The following MTF2 variants were observed in gnomAD, a reference collection of about 807,000 sequenced individuals.
MTF2 encodes metal response element binding transcription factor 2.
In MTF2, 11 loss-of-function variants were observed where a neutral mutation model predicts 79.5. That is an observed-to-expected ratio of 0.14 (90% CI 0.09 to 0.23). The LOEUF (loss-of-function observed/expected upper bound fraction) is 0.23. Among genes scored for constraint, MTF2 ranks in the 10% least tolerant of loss-of-function variants. The probability of loss-of-function intolerance (pLI) is 1.00; values close to 1 mark genes in which losing one functional copy is unlikely to be tolerated. For missense variants in MTF2, 486 were observed against 711.2 expected (o/e 0.68, Z 3.60); for synonymous variants, 208 against 232.8 (o/e 0.89, Z 0.97).
Position 93,110,262 on chromosome 1 carries a change from A to G in MTF2, c.38A>G (p.His13Arg), listed in dbSNP as rs1183850511. ...ACAGGGGCAGGTAATTCACTGGTCC[A>G]CAAGCGGTCTCCTTTACGTCGAAAC... ...DSTGAGNSLV[H>R]KRSPLRRNQK... The change falls in exon 2 of 15, where the codon CAC becomes CGC. Residue 13 changes from histidine to arginine, a missense_variant. Physicochemically the swap from His to Arg is conservative, Grantham distance 29 (BLOSUM62 0). Around this residue, in one of 4 missense-constraint regions of MTF2, gnomAD observed 75 missense variants for 83.8 expected, o/e 0.89. Transcript: ENST00000370298. 1 of 1,614,148 alleles carries G rather than the reference A, an allele frequency of 6.2e-7. No individual in the cohort carries two copies. Among genetic ancestry groups the G allele is most frequent in the African/African-American group, 1.3e-5 (1 of 75,030 alleles).
At position 93,129,222 on chromosome 1, in the gene MTF2, T is replaced by C. The variant is rs1656824090; in HGVS notation, c.990-56T>C. The C allele has an allele frequency of 2.4e-6, 3 of 1,231,846 alleles. No individual in the cohort carries two copies. In the Admixed American group the frequency reaches 7.8e-5, roughly 32 times the overall value. 76.3% of individuals were successfully genotyped at this position (1,231,846 alleles called of 1,614,324 possible). On this transcript the variant is annotated intron_variant, in intron 10 of 14. Transcript: ENST00000370298. Reference sequence around the variant, plus strand: ...TATATATGAAAGTTAAGTTAGGGTCTACTATGTATATGTGTTCAGTTTTTA... The same window carrying C: ...TATATATGAAAGTTAAGTTAGGGTCCACTATGTATATGTGTTCAGTTTTTA...
intron 1 of MTF2, among the ~76,000 whole-genome samples, chr1:93,084,817 TATGAGAG>T (rs1654769638): frequency 6.6e-6 from 1 of 152,154 alleles, no homozygotes; most frequent in Non-Finnish European, 1.5e-5. Context: ...TTCAGTGAAC[TATGAGAG>T]CTATGATGTG....
intron 1 of MTF2, among the ~76,000 whole-genome samples, chr1:93,089,072 C>A (rs1654967874): frequency 6.6e-6 from 1 of 152,232 alleles, no homozygotes; most frequent in Non-Finnish European, 1.5e-5. Flanking sequence ...GCCACAGTCA[C>A]TGACATTGTA....
chr1:93,115,842 T>A (rs1180977083), intron 6 of MTF2, among the ~76,000 whole-genome samples: 1 of 152,182 alleles, frequency 6.6e-6, no homozygotes, highest in Non-Finnish European at 1.5e-5. Context: ...TCTGGAAATT[T>A]AAAGTGAATT....
Position 93,115,026 on chromosome 1 carries a change from A to T in MTF2, c.421A>T (p.Ser141Cys). The change falls in exon 5 of 15, where the codon AGT (serine) becomes TGT (cysteine). Residue 141 changes from serine (S) to cysteine (C), a missense_variant. Ser to Cys is a moderately radical substitution (Grantham distance 112). Coordinates refer to ENST00000370298, the MANE Select transcript of MTF2 (RefSeq NM_007358.4). ...GTGTCACACACCTCATATTGATTCC[A>T]GTGTGATTGATTCAGATGAAAAATG... The part of the protein sequence containing the change: ...QLCHTPHIDS[S>C]VIDSDEKWLC... The T allele has an allele frequency of 1.2e-6, 2 of 1,611,162 alleles. No individual in the cohort carries two copies. The highest frequency in any genetic ancestry group is 1.7e-6 in the Non-Finnish European group (2 of 1,177,704).
intron 3 of MTF2, among the ~76,000 whole-genome samples, chr1:93,113,927 C>T (rs1158848338): frequency 1.3e-5 from 2 of 151,600 alleles, no homozygotes; most frequent in Non-Finnish European, 2.9e-5. Flanking sequence ...GAATTTGACT[C>T]TGCTGAAACA....
At position 93,110,334 on chromosome 1, in the gene MTF2, A is replaced by G. The variant is rs1054951816; in HGVS notation, c.110A>G (p.His37Arg). 1 of 1,614,232 alleles carries G rather than the reference A, an allele frequency of 6.2e-7. No homozygotes were observed. Among genetic ancestry groups the G allele is most frequent in the South Asian group, 1.1e-5 (1 of 91,088 alleles). Residue 37 changes from histidine (H) to arginine (R), a missense_variant, in exon 2 of 15, where the codon CAT (histidine) becomes CGT (arginine). His to Arg is a conservative substitution (Grantham distance 29). Transcript: ENST00000370298. ...SLTKLSLQDG[H>R]KAKKPACKFE... ...ACCAAGCTGTCTTTACAGGATGGAC[A>G]TAAAGCCAAAAAGCCAGCATGTAAA...
At chr1:93,086,325 G>A (rs558024337) in intron 1 of MTF2, among the ~76,000 whole-genome samples, 1 of 152,118 alleles carries the variant, frequency 6.6e-6, no homozygotes, top group South Asian at 2.1e-4. Context: ...CCAACATAGT[G>A]AAACCCTGTC....
At chr1:93,087,694 T>C (rs1028573821) in intron 1 of MTF2, among the ~76,000 whole-genome samples, 1 of 152,204 alleles carries the variant, frequency 6.6e-6, no homozygotes, top group South Asian at 2.1e-4. Context: ...ATTCTTGGCC[T>C]TCCCCACTGT....
At position 93,112,882 on chromosome 1, in the gene MTF2, C is replaced by G. The variant is rs537532613; in HGVS notation, c.287-1806C>G. Among the ~76,000 whole-genome samples the G allele has an allele frequency of 1.3e-5, 2 of 152,302 alleles. 1 individual carries two copies. The highest frequency in any genetic ancestry group is 4.1e-4 in the South Asian group (2 of 4,820). ...AGGATTGTTTCTTGGGTCACTACCCCCTTTTCTGAGGAATTGCCTTCCCCA... is the reference window on the plus strand; with the variant it reads ...AGGATTGTTTCTTGGGTCACTACCCGCTTTTCTGAGGAATTGCCTTCCCCA... On this transcript the variant is annotated intron_variant, in intron 3 of 14. Transcript: ENST00000370298.
rs1312657476 is a variant in MTF2, at chr1:93,129,267, T to C, written c.990-11T>C. The C allele has an allele frequency of 6.6e-7, 1 of 1,522,650 alleles. No homozygotes were observed. 94.3% of individuals were successfully genotyped at this position (1,522,650 alleles called of 1,614,324 possible). On this transcript the variant is annotated splice_polypyrimidine_tract_variant and intron_variant, in intron 10 of 14. Transcript: ENST00000370298. ...TTTTTAAAATTTTAGTTAATTTTTT[T>C]AAAAATTTAGGTTTATGTCTGGGAA... is the stretch of plus-strand genomic sequence containing the variant.
chr1:93,122,588 G>A (rs1656527803), intron 9 of MTF2, among the ~76,000 whole-genome samples: 1 of 152,052 alleles, frequency 6.6e-6, no homozygotes, highest in African/African-American at 2.4e-5. Context: ...TATTTCTGTA[G>A]CCTATGAGGT....
intron 1 of MTF2, among the ~76,000 whole-genome samples, chr1:93,094,743 A>G (rs1431449580): frequency 2.0e-5 from 3 of 152,108 alleles, no homozygotes; most frequent in Non-Finnish European, 4.4e-5. Flanking sequence ...GAAGCATGTA[A>G]TGTTTCTCTT....
At position 93,113,884 on chromosome 1, in the gene MTF2, ATTG is replaced by A. The variant is rs542864113; in HGVS notation, c.287-798_287-796del. ...CCATAGCACAAAATTATAAGTTTTT[ATTG>A]TTGTTATGTATATAAAGGCTGTGTA... On this transcript the variant is annotated intron_variant, in intron 3 of 14. Coordinates refer to ENST00000370298, the MANE Select transcript of MTF2 (RefSeq NM_007358.4). Among the ~76,000 whole-genome samples the A allele has an allele frequency of 1.3e-4, 20 of 152,264 alleles. No individual in the cohort carries two copies. The East Asian group carries it at 3.9e-3, about 29-fold the overall frequency.
chr1:93,085,628 A>G (rs910628139), intron 1 of MTF2, among the ~76,000 whole-genome samples: 4 of 152,100 alleles, frequency 2.6e-5, no homozygotes, highest in African/African-American at 9.7e-5. Flanking sequence ...CTAGGACTAC[A>G]AGTGCATGCC....
chr1:93,125,868 TG>T (rs1453405730), intron 9 of MTF2, among the ~76,000 whole-genome samples: 1 of 152,076 alleles, frequency 6.6e-6, no homozygotes, highest in African/African-American at 2.4e-5. Context: ...GAAAGAGCTC[TG>T]GGGAGGAAGA....
At chr1:93,133,187 G>C (rs1038728303) in intron 11 of MTF2, among the ~76,000 whole-genome samples, 2 of 151,916 alleles carry the variant, frequency 1.3e-5, no homozygotes, top group African/African-American at 4.8e-5. Flanking sequence ...CTTTCTGATA[G>C]TGTCATTCAA....
rs567860886 is a variant in MTF2 at position 93,125,990 on chromosome 1, A to G, written c.922-1242A>G. Reference sequence around the variant, plus strand: ...TATCTGTACTGTAAAAGAGACTGCAATATTGGTGGAAGGCTGAATTGGATC... The same window carrying G: ...TATCTGTACTGTAAAAGAGACTGCAGTATTGGTGGAAGGCTGAATTGGATC... On this transcript the variant is annotated intron_variant, in intron 9 of 14. Transcript: ENST00000370298. Among the ~76,000 whole-genome samples, 5 of 152,160 alleles carry G rather than the reference A, an allele frequency of 3.3e-5. No individual in the cohort carries two copies. The South Asian group carries it at 8.3e-4, about 25-fold the overall frequency.
At chr1:93,120,317 A>AG in intron 8 of MTF2, 1 of 257,262 alleles carries the variant, frequency 3.9e-6, no homozygotes, top group Non-Finnish European at 7.2e-6. Context: ...AAAAAAAAAA[A>AG]AAAAGAAGTA....
Sources: gnomAD v4.1 joint callset for allele counts (sites outside exome capture counted in the v4.1 genomes callset) on GRCh38, gnomAD v4.1.1 for gene constraint, gnomAD v4.1.1 regional missense constraint, MANE v1.5 for transcripts, NCBI Gene and HGNC (gene_info 2026-07-23, HGNC 2026-07-21) for gene names.